NUP155: variants seen among roughly 807,000 people sequenced by gnomAD.
NUP155 encodes the protein nucleoporin 155, also known as nuclear pore complex protein Nup155.
In NUP155, 71 loss-of-function variants were observed where a neutral mutation model predicts 180.4. That is an observed-to-expected ratio of 0.39 (90% CI 0.33 to 0.48). NUP155 has a LOEUF of 0.48. Among genes scored for constraint, NUP155 ranks in the 20% least tolerant of loss-of-function variants. NUP155 has a pLI of 0.91. For missense variants in NUP155, 1,553 were observed against 1,648.9 expected (o/e 0.94, Z 1.01); for synonymous variants, 582 against 559.5 (o/e 1.04, Z -0.57).
chr5:37,292,108 C>A, intron 34 of NUP155, 70 bp from the exon 35 acceptor site: 2 of 1,476,636 alleles, frequency 1.4e-6, no homozygotes, highest in Non-Finnish European at 1.9e-6. Flanking sequence ...TTCTTCCCCA[C>A]CAACTTCTGG....
rs536050827 is a variant in NUP155, at chr5:37,342,968, C to T, written c.996-322G>A. The stretch of plus-strand genomic sequence containing the variant: ...GCCAGGCTGGTCTTGAACTCCTGAC[C>T]TCGCGTGAGCGTGATCCGCCCGCCT... On this transcript the variant is annotated intron_variant, in intron 9 of 34. Coordinates refer to ENST00000231498, the MANE Select transcript of NUP155 (RefSeq NM_153485.3). Among the ~76,000 whole-genome samples, 30 of 152,330 alleles carry T rather than the reference C, an allele frequency of 2.0e-4. 1 individual carries two copies. The South Asian group carries it at 4.6e-3, about 23-fold the overall frequency.
At chr5:37,318,720 G>A (rs1342399818) in intron 20 of NUP155, among the ~76,000 whole-genome samples, 4 of 152,062 alleles carry the variant, frequency 2.6e-5, no homozygotes, top group Non-Finnish European at 5.9e-5. Flanking sequence ...CATAAAAAAC[G>A]AGAGAAGAAA....
chr5:37,321,516 A>T (rs1414085962), intron 20 of NUP155, among the ~76,000 whole-genome samples: 1 of 152,150 alleles, frequency 6.6e-6, no homozygotes, highest in Non-Finnish European at 1.5e-5. Flanking sequence ...CAAGAGATCG[A>T]GACCATCCTG....
In NUP155 at chr5:37,359,255, C is replaced by G. The variant is rs16903600; in HGVS notation, c.393-1104G>C. ...AAGAAAACTGTTTCAGTTCCAAGAC[C>G]CAGGGATCCAGACCTGCTTATGGCT... is the stretch of plus-strand genomic sequence containing the variant. On this transcript the variant is annotated intron_variant, in intron 3 of 34. Coordinates refer to ENST00000231498, the MANE Select transcript of NUP155 (RefSeq NM_153485.3). Among the ~76,000 whole-genome samples the G allele has an allele frequency of 7.4e-3, 1,109 of 150,654 alleles. 18 individuals are homozygous for G. Among genetic ancestry groups the G allele is most frequent in the African/African-American group, 0.025 (1,044 of 41,058 alleles).
Position 37,333,909 on chromosome 5 carries a change from C to G in NUP155, c.1348-276G>C, listed in dbSNP as rs754597205. ...CTTTGCCTCCCGGGTTCAAGTGATTCTCCTGCCTCAGCCTCCCTAGTAGCT... is the reference window on the plus strand; with the variant it reads ...CTTTGCCTCCCGGGTTCAAGTGATTGTCCTGCCTCAGCCTCCCTAGTAGCT... On this transcript the variant is annotated intron_variant, in intron 12 of 34. Transcript: ENST00000231498. Among the ~76,000 whole-genome samples the G allele has an allele frequency of 6.2e-4, 94 of 151,448 alleles. 1 individual carries two copies. The highest frequency in any genetic ancestry group is 4.0e-4 in the Admixed American group (6 of 15,178).
intron 32 of NUP155, among the ~76,000 whole-genome samples, chr5:37,297,712 A>C (rs1466227226): frequency 1.3e-5 from 2 of 152,110 alleles, no homozygotes; most frequent in Non-Finnish European, 2.9e-5. Flanking sequence ...AACTATCAAA[A>C]GTACCAGTTT....
intron 12 of NUP155, 51 bp from the exon 13 acceptor site, chr5:37,333,684 C>T (rs1307028423): frequency 1.4e-6 from 2 of 1,397,208 alleles, no homozygotes; most frequent in East Asian, 2.4e-5. Flanking sequence ...TTACATAATG[C>T]AAAAGAAAAA....
chr5:37,349,976 C>G (rs1746352910), intron 7 of NUP155, among the ~76,000 whole-genome samples, 184 bp downstream of exon 7: 1 of 152,124 alleles, frequency 6.6e-6, no homozygotes, highest in Non-Finnish European at 1.5e-5. Context: ...AACTTGAGAA[C>G]AAAATCCACA....
chr5:37,351,952 G>A (rs1746494055), intron 5 of NUP155, among the ~76,000 whole-genome samples: 3 of 152,038 alleles, frequency 2.0e-5, no homozygotes, highest in Admixed American at 1.3e-4. Context: ...GCCGGGTGCC[G>A]TGGCTCATGC....
intron 14 of NUP155, 140 bp downstream of exon 14, chr5:37,331,545 G>A (rs748031297): frequency 4.9e-5 from 22 of 447,978 alleles, no homozygotes; most frequent in Non-Finnish European, 8.1e-5. Context: ...TTGCACTCCT[G>A]CCTGGGCAAC....
In NUP155 at chr5:37,292,958, G is replaced by A. The variant is rs1483016810; in HGVS notation, c.3958C>T (p.Pro1320Ser). 6.8e-6 allele frequency: 11 copies of A among 1,611,320 alleles called. No homozygotes were observed. The highest frequency in any genetic ancestry group is 1.7e-4 in the Middle Eastern group (1 of 5,974). The change falls in exon 34 of 35, where the codon CCA becomes TCA. Residue 1320 changes from proline to serine, a missense_variant. Pro to Ser is a moderately conservative substitution (Grantham distance 74, BLOSUM62 -1). Transcript: ENST00000231498. The stretch of plus-strand genomic sequence containing the variant: ...TGTATACAATCCAAAAGGTGCAGTG[G>A]CTTCTTCATTCTGTTCCAGAATGGA... ...RDPFWNRMKKPLHLLDCIHVL... is the reference protein window; with the variant it reads ...RDPFWNRMKKSLHLLDCIHVL...
intron 1 of NUP155, among the ~76,000 whole-genome samples, chr5:37,368,782 T>G (rs902943293): frequency 6.6e-6 from 1 of 152,060 alleles, no homozygotes; most frequent in Non-Finnish European, 1.5e-5. Flanking sequence ...CCAACTGCAC[T>G]CCAGGCTGGG....
At chr5:37,345,233 C>T (rs969667196) in intron 9 of NUP155, among the ~76,000 whole-genome samples, 7 of 151,840 alleles carry the variant, frequency 4.6e-5, no homozygotes, top group Middle Eastern at 3.4e-3. Context: ...AAAGGCATGT[C>T]GGTGGCTCAT....
rs144805668 is a variant in NUP155 at position 37,304,959 on chromosome 5, A to G, written c.3057+98T>C. The G allele has an allele frequency of 3.9e-4, 601 of 1,531,540 alleles. 1 individual carries two copies. The African/African-American group carries it at 7.4e-3, about 19-fold the overall frequency. 94.9% of individuals were successfully genotyped at this position (1,531,540 alleles called of 1,614,324 possible). On this transcript the variant is annotated intron_variant, in intron 26 of 34. Coordinates refer to ENST00000231498, the MANE Select transcript of NUP155 (RefSeq NM_153485.3). Reference sequence around the variant, plus strand: ...CAAGAATCCTTACATGATAACTTCTAAGAACTACCACCTTTCCCCAAGATG... The same window carrying G: ...CAAGAATCCTTACATGATAACTTCTGAGAACTACCACCTTTCCCCAAGATG...
At chr5:37,350,132 C>T (rs753448950) in intron 7 of NUP155, 28 bp downstream of exon 7, 1 of 1,507,786 alleles carries the variant, frequency 6.6e-7, no homozygotes, top group South Asian at 1.1e-5. Flanking sequence ...ATTAGTTGTA[C>T]TTGCCAAATT....
In NUP155 at chr5:37,291,469, T is replaced by C. The variant is rs934890735; in HGVS notation, c.*431A>G. On this transcript the variant is annotated 3_prime_UTR_variant, in exon 35 of 35. Coordinates refer to ENST00000231498, the MANE Select transcript of NUP155 (RefSeq NM_153485.3). ...CATGTTGGCCAGGTTGGTCTCAAAC[T>C]CTTGGCCTCGTGATTCGCCCACCTT... The C allele has an allele frequency of 3.7e-5, 6 of 161,320 alleles. No homozygotes were observed. In the South Asian group the frequency reaches 1.0e-3, roughly 27 times the overall value. 10.0% of individuals were successfully genotyped at this position (161,320 alleles called of 1,614,324 possible). A position where few individuals can be genotyped will look rare whatever the true frequency, so the allele number is the denominator to read the frequency against.
At chr5:37,325,706 T>G (rs1744549948) in intron 19 of NUP155, among the ~76,000 whole-genome samples, 195 bp downstream of exon 19, 1 of 146,308 alleles carries the variant, frequency 6.8e-6, no homozygotes, top group South Asian at 2.1e-4. Context: ...AGGGCAGAGG[T>G]TGCAGTAAGC....
chr5:37,334,488 C>A (rs1388526701), intron 12 of NUP155, among the ~76,000 whole-genome samples: 1 of 151,920 alleles, frequency 6.6e-6, no homozygotes, highest in Non-Finnish European at 1.5e-5. Flanking sequence ...TCATGCAATT[C>A]TCCTGCCTCA....
At chr5:37,307,246 G>T in intron 25 of NUP155, 51 bp downstream of exon 25, 14 of 1,521,558 alleles carry the variant, frequency 9.2e-6, no homozygotes, top group African/African-American at 1.4e-5. Context: ...ATTATGCAAA[G>T]AAAAGTCTGT....
Sources: gnomAD v4.1 joint callset for allele counts (sites outside exome capture counted in the v4.1 genomes callset) on GRCh38, gnomAD v4.1.1 for gene constraint, MANE v1.5 for transcripts, NCBI Gene and HGNC (gene_info 2026-07-23, HGNC 2026-07-21) for gene names.